The following GNAQ variants were observed in gnomAD, a reference collection of about 807,000 sequenced individuals.
The protein encoded by GNAQ is guanine nucleotide-binding protein G(q) subunit alpha.
In GNAQ, 8 loss-of-function variants were observed where a neutral mutation model predicts 43.9. That is an observed-to-expected ratio of 0.18 (90% confidence interval 0.11 to 0.33). The LOEUF (loss-of-function observed/expected upper bound fraction) is 0.33, where lower values mean the gene tolerates loss of function less well. GNAQ is among the 10% of genes least tolerant of loss of function. The probability of loss-of-function intolerance (pLI) is 1.00; values close to 1 mark genes in which losing one functional copy is unlikely to be tolerated. For synonymous variants in GNAQ, 155 were observed against 170.7 expected, an observed-to-expected ratio of 0.91 and a Z score of 0.71; for missense variants, 158 against 450.8, an observed-to-expected ratio of 0.35 and a Z score of 5.88.
At chr9:77,919,492 C>G (rs1028571754) in intron 2 of GNAQ, among the ~76,000 whole-genome samples, 2 of 151,984 alleles carry the variant, frequency 1.3e-5, no homozygotes, top group Non-Finnish European at 2.9e-5. Flanking sequence ...AGAGAACTCT[C>G]GGAAGAAGAG....
At chr9:78,015,928 T>C (rs1823832824) in intron 1 of GNAQ, among the ~76,000 whole-genome samples, 1 of 151,886 alleles carries the variant, frequency 6.6e-6, no homozygotes, top group African/African-American at 2.4e-5. Flanking sequence ...AAGTAAAAAA[T>C]AAACTTAGAA....
intron 2 of GNAQ, among the ~76,000 whole-genome samples, chr9:77,816,162 T>A (rs1338758587): frequency 2.0e-5 from 3 of 152,176 alleles, no homozygotes; most frequent in Admixed American, 6.5e-5. Context: ...TTTATTATAA[T>A]CAAACATATA....
chr9:77,924,941 G>T (rs1432702149), intron 1 of GNAQ, among the ~76,000 whole-genome samples: 1 of 151,800 alleles, frequency 6.6e-6, no homozygotes, highest in Non-Finnish European at 1.5e-5. Context: ...TAGCCAAGAG[G>T]AAACCAGAGA....
intron 1 of GNAQ, among the ~76,000 whole-genome samples, chr9:77,995,418 G>T (rs1014881221): frequency 2.0e-5 from 3 of 152,128 alleles, no homozygotes; most frequent in Non-Finnish European, 4.4e-5. Flanking sequence ...ATGAGGAAAG[G>T]CATCAAAAAA....
intron 1 of GNAQ, among the ~76,000 whole-genome samples, chr9:77,929,661 T>C (rs1478448743): frequency 6.6e-6 from 1 of 151,998 alleles, no homozygotes; most frequent in Non-Finnish European, 1.5e-5. Context: ...TGAAACCCTG[T>C]CTCTACTAAA....
intron 2 of GNAQ, among the ~76,000 whole-genome samples, chr9:77,919,975 C>T (rs1351312145): frequency 6.6e-6 from 1 of 152,032 alleles, no homozygotes. Context: ...CCCGTCTCTA[C>T]TAAAAATATA....
chr9:77,957,087 G>A (rs1427307143), intron 1 of GNAQ, among the ~76,000 whole-genome samples: 1 of 152,144 alleles, frequency 6.6e-6, no homozygotes, highest in Non-Finnish European at 1.5e-5. Flanking sequence ...GGCTGGGTGT[G>A]GTGGCTCACG....
intron 5 of GNAQ, among the ~76,000 whole-genome samples, chr9:77,729,804 G>T (rs1296931511): frequency 1.3e-5 from 2 of 152,196 alleles, no homozygotes. Flanking sequence ...GGGGTGGTTT[G>T]GTGGCGTACA....
intron 3 of GNAQ, among the ~76,000 whole-genome samples, chr9:77,806,429 C>T (rs540368389): frequency 6.6e-6 from 1 of 152,148 alleles, no homozygotes; most frequent in African/African-American, 2.4e-5. Flanking sequence ...GCACAGAGAA[C>T]TGGCACAATA....
rs564617769 is a variant in GNAQ at position 77,903,674 on chromosome 9, A to G, written c.321+18487T>C. On this transcript the variant is annotated intron_variant, in intron 2 of 6. Coordinates refer to ENST00000286548, the MANE Select transcript of GNAQ (RefSeq NM_002072.5). Reference sequence around the variant, plus strand: ...GAGAAGCAAAATAATTTCTGACACTAGCATTTCTAGTCCAAACCTTTCATT... The same window carrying G: ...GAGAAGCAAAATAATTTCTGACACTGGCATTTCTAGTCCAAACCTTTCATT... Among the ~76,000 whole-genome samples the G allele has an allele frequency of 2.0e-5, 3 of 152,296 alleles. No homozygotes were observed. In the South Asian group the frequency reaches 6.2e-4, roughly 32 times the overall value.
chr9:77,994,810 T>C (rs898459786), intron 1 of GNAQ, among the ~76,000 whole-genome samples: 2 of 152,212 alleles, frequency 1.3e-5, no homozygotes, highest in African/African-American at 4.8e-5. Flanking sequence ...CATTCCTATA[T>C]TGTAAGTCTT....
intron 2 of GNAQ, among the ~76,000 whole-genome samples, chr9:77,828,873 A>C (rs1827250499): frequency 6.6e-6 from 1 of 152,232 alleles, no homozygotes; most frequent in Non-Finnish European, 1.5e-5. Flanking sequence ...TGGATTAGAT[A>C]ATGGCTGAGA....
chr9:77,969,774 C>A (rs1450108839), intron 1 of GNAQ, among the ~76,000 whole-genome samples: 2 of 152,100 alleles, frequency 1.3e-5, no homozygotes, highest in Non-Finnish European at 2.9e-5. Context: ...TTCATATATC[C>A]ATCAGGCATG....
At chr9:77,739,995 G>C in intron 5 of GNAQ, among the ~76,000 whole-genome samples, 1 of 152,328 alleles carries the variant, frequency 6.6e-6, no homozygotes, top group East Asian at 1.9e-4. Context: ...CAGCGCATCA[G>C]ACAGAATCTG....
chr9:77,917,780 T>C (rs1828934883), intron 2 of GNAQ, among the ~76,000 whole-genome samples: 2 of 152,158 alleles, frequency 1.3e-5, no homozygotes, highest in South Asian at 4.1e-4. Flanking sequence ...TATTCAGAAG[T>C]CCTAAGACGT....
intron 2 of GNAQ, among the ~76,000 whole-genome samples, chr9:77,868,732 T>C (rs953326593): frequency 6.6e-6 from 1 of 152,006 alleles, no homozygotes; most frequent in Non-Finnish European, 1.5e-5. Context: ...GAGGCAGAGA[T>C]TGCGGTGAGC....
rs941333922 is a variant in GNAQ at position 77,898,298 on chromosome 9, T to A, written c.321+23863A>T. Among the ~76,000 whole-genome samples the A allele has an allele frequency of 2.0e-5, 3 of 152,234 alleles. No individual in the cohort carries two copies. In the East Asian group the frequency reaches 5.8e-4, roughly 29 times the overall value. The stretch of plus-strand genomic sequence containing the variant: ...GGCTCTTGGGTGACAGTGACTGGGC[T>A]TAAATCAACCCAAAGCTTTGACAGA... On this transcript the variant is annotated intron_variant, in intron 2 of 6. Coordinates refer to ENST00000286548, the MANE Select transcript of GNAQ (RefSeq NM_002072.5).
intron 1 of GNAQ, among the ~76,000 whole-genome samples, chr9:78,016,229 T>C (rs1823836388): frequency 6.6e-6 from 1 of 152,224 alleles, no homozygotes; most frequent in African/African-American, 2.4e-5. Flanking sequence ...TTCTTATAGA[T>C]AAACTGGACT....
At chr9:77,955,468 T>C (rs1823030211) in intron 1 of GNAQ, among the ~76,000 whole-genome samples, 1 of 152,192 alleles carries the variant, frequency 6.6e-6, no homozygotes. Flanking sequence ...AGTGAAATCA[T>C]GAAAGAAAAT....
Sources: allele counts gnomAD v4.1 joint callset (sites outside exome capture counted in the v4.1 genomes callset), GRCh38; gene constraint gnomAD v4.1.1; transcripts MANE v1.5; gene names NCBI Gene and HGNC (gene_info 2026-07-23, HGNC 2026-07-21).